HOMER2: variants seen among roughly 807,000 people sequenced by gnomAD.
The protein encoded by HOMER2 is homer scaffold protein 2.
A neutral mutation model predicts 47.0 loss-of-function variants in HOMER2; 27 were observed. The observed-to-expected ratio is 0.57, with a 90% CI of 0.42 to 0.79. The LOEUF (loss-of-function observed/expected upper bound fraction) is 0.79. Ranked by LOEUF, HOMER2 falls within the 30% of genes least tolerant of loss-of-function variation. The probability of loss-of-function intolerance (pLI) is 0.00; values close to 1 mark genes in which losing one functional copy is unlikely to be tolerated. For synonymous variants in HOMER2, 161 were observed against 163.8 expected (o/e 0.98, Z 0.13); for missense variants, 443 against 435.0 (o/e 1.02, Z -0.16).
chr15:82,836,311 T>G (rs773247397), downstream of HOMER2, among the ~76,000 whole-genome samples: 10 of 152,198 alleles, frequency 6.6e-5, no homozygotes, highest in Non-Finnish European at 1.5e-4. Flanking sequence ...GCACTGCCAG[T>G]CTTCACCTCT....
intron 6 of HOMER2, 56 bp from the exon 7 acceptor site, chr15:82,852,308 G>A: frequency 1.7e-6 from 2 of 1,185,240 alleles, no homozygotes; most frequent in Admixed American, 1.7e-5. Context: ...TAGTCATTAA[G>A]CAAGAGATCA....
intron 2 of HOMER2, among the ~76,000 whole-genome samples, chr15:82,880,612 G>A (rs1223407111): frequency 1.3e-5 from 2 of 152,190 alleles, no homozygotes; most frequent in African/African-American, 4.8e-5. Flanking sequence ...TCTTCAGAGT[G>A]GGCAGAGGCT....
Position 82,849,547 on chromosome 15 carries a change from G to A in HOMER2, c.*168C>T. On this transcript the variant is annotated 3_prime_UTR_variant, in exon 9 of 9. Transcript: ENST00000450735. ...ACCTCACAAGGCCAGAGAAGCGAGAGGAGATTTCTATTCTGAAAAGGAGTG... is the reference window on the plus strand; with the variant it reads ...ACCTCACAAGGCCAGAGAAGCGAGAAGAGATTTCTATTCTGAAAAGGAGTG... The A allele has an allele frequency of 1.6e-6, 1 of 611,144 alleles. No individual in the cohort carries two copies. Among genetic ancestry groups the A allele is most frequent in the South Asian group, 2.1e-5 (1 of 46,988 alleles). 37.9% of individuals were successfully genotyped at this position (611,144 alleles called of 1,614,324 possible).
At chr15:82,919,617 T>C (rs1567054473) in intron 1 of HOMER2, among the ~76,000 whole-genome samples, 2 of 152,248 alleles carry the variant, frequency 1.3e-5, no homozygotes, top group African/African-American at 4.8e-5. Context: ...GAACGTCCAG[T>C]ACCAGGAAGA....
rs903315752 is a variant in HOMER2, at chr15:82,931,489, A to G, written c.5+21042T>C. ...CTTTCAATCAGGCTGTGGGATTCCA[A>G]TTCCAGTTTTTCAGAATATTTCATC... On this transcript the variant is annotated intron_variant, in intron 1 of 8. Transcript: ENST00000450735. Among the ~76,000 whole-genome samples, 48 of 151,468 alleles carry G rather than the reference A, an allele frequency of 3.2e-4. 1 individual carries two copies. Among genetic ancestry groups the G allele is most frequent in the Middle Eastern group, 6.8e-3 (2 of 292 alleles).
intron 1 of HOMER2, among the ~76,000 whole-genome samples, chr15:82,971,787 G>A (rs1445121972): frequency 6.6e-6 from 1 of 151,918 alleles, no homozygotes; most frequent in Non-Finnish European, 1.5e-5. Flanking sequence ...GTGGGGGAGG[G>A]AACTAGCTAT....
intron 1 of HOMER2, among the ~76,000 whole-genome samples, chr15:82,984,542 G>A (rs2030521924): frequency 6.6e-6 from 1 of 152,184 alleles, no homozygotes; most frequent in African/African-American, 2.4e-5. Flanking sequence ...TGTGGGGCTG[G>A]GCTCCACGGC....
At chr15:82,881,808 A>T (rs1245203151) in intron 2 of HOMER2, among the ~76,000 whole-genome samples, 4 of 152,184 alleles carry the variant, frequency 2.6e-5, no homozygotes, top group Non-Finnish European at 5.9e-5. Context: ...TGTAGAATGG[A>T]TGACCTCTAA....
At chr15:82,865,709 C>G (rs2051943445) in intron 3 of HOMER2, among the ~76,000 whole-genome samples, 1 of 152,196 alleles carries the variant, frequency 6.6e-6, no homozygotes. Flanking sequence ...ACCTGCATCC[C>G]AGCAGCTCCA....
At chr15:82,902,494 C>G (rs2053154597) in intron 1 of HOMER2, among the ~76,000 whole-genome samples, 1 of 152,182 alleles carries the variant, frequency 6.6e-6, no homozygotes, top group African/African-American at 2.4e-5. Context: ...CTGTGCCCAG[C>G]CAATATCCAA....
At chr15:82,964,942 G>A (rs2054660538) in intron 1 of HOMER2, among the ~76,000 whole-genome samples, 1 of 152,192 alleles carries the variant, frequency 6.6e-6, no homozygotes. Flanking sequence ...AGTGAAATAA[G>A]TTTCTTTATT....
chr15:82,963,175 C>T (rs2054646243), intron 1 of HOMER2, among the ~76,000 whole-genome samples: 1 of 152,204 alleles, frequency 6.6e-6, no homozygotes, highest in Admixed American at 6.5e-5. Flanking sequence ...GCCTTGAACA[C>T]CTGGGCTCAG....
intron 3 of HOMER2, among the ~76,000 whole-genome samples, chr15:82,871,890 C>G (rs185504145): frequency 1.3e-5 from 2 of 152,232 alleles, no homozygotes; most frequent in East Asian, 3.8e-4. Flanking sequence ...ACCTTCCCCC[C>G]TTTCTACCTA....
At chr15:82,942,305 G>C (rs2151220316) in intron 1 of HOMER2, among the ~76,000 whole-genome samples, 1 of 152,316 alleles carries the variant, frequency 6.6e-6, no homozygotes, top group South Asian at 2.1e-4. Context: ...TCAGGTGATG[G>C]TCATTGGCCA....
chr15:82,851,170 T>C lies in HOMER2; in HGVS notation c.824A>G (p.Tyr275Cys), dbSNP rs1256603600. 6.3e-7 allele frequency: 1 copy of C among 1,580,264 alleles called. No homozygotes were observed. Among genetic ancestry groups the C allele is most frequent in the Non-Finnish European group, 8.6e-7 (1 of 1,161,254 alleles). ...ACGTACCTCTAGCTTCTCAGAGACA[T>C]ATTCGCACTCTGACATGAGCTGAGG... The part of the protein sequence containing the change: ...IIPQLMSECE[Y>C]VSEKLEAAER... Residue 275 changes from tyrosine to cysteine, a missense_variant, in exon 8 of 9, where the codon TAT becomes TGT. Transcript: ENST00000450735.
downstream of HOMER2, chr15:82,958,087 T>A (rs1174900461): frequency 2.6e-5 from 4 of 152,216 alleles, no homozygotes; most frequent in African/African-American, 9.7e-5. Flanking sequence ...TCCGCCTGCC[T>A]CGGCCTCCCA....
intron 1 of HOMER2, among the ~76,000 whole-genome samples, chr15:82,909,478 G>A (rs543357745): frequency 3.9e-5 from 6 of 152,178 alleles, no homozygotes; most frequent in South Asian, 2.1e-4. Context: ...TAGTTTTGGC[G>A]GGAGGGATGG....
intron 1 of HOMER2, among the ~76,000 whole-genome samples, chr15:82,924,163 A>G (rs993405985): frequency 1.3e-5 from 2 of 152,206 alleles, no homozygotes; most frequent in African/African-American, 4.8e-5. Context: ...AGCTAACAGA[A>G]GACCGGCACA....
At chr15:82,867,323 A>G (rs1450595865) in intron 3 of HOMER2, among the ~76,000 whole-genome samples, 1 of 151,748 alleles carries the variant, frequency 6.6e-6, no homozygotes, top group African/African-American at 2.4e-5. Context: ...CACAAAAGTG[A>G]CAGACTTCAC....
Sources: gnomAD v4.1 joint callset for allele counts (sites outside exome capture counted in the v4.1 genomes callset) on GRCh38, gnomAD v4.1.1 for gene constraint, MANE v1.5 for transcripts, NCBI Gene and HGNC (gene_info 2026-07-23, HGNC 2026-07-21) for gene names.